Variants in RTL1 observed in about 807,000 individuals in gnomAD.
RTL1 encodes the protein retrotransposon-like protein 1.
For missense variants in RTL1, 1,681 were observed against 1,767.5 expected, an observed-to-expected ratio of 0.95 and a Z score of 0.88; for synonymous variants, 727 against 748.4, an observed-to-expected ratio of 0.97 and a Z score of 0.47.
At position 100,882,530 on chromosome 14, in the gene RTL1, C is replaced by A. The variant is rs1219522563; in HGVS notation, c.2259G>T (p.Leu753=). 9.0e-6 allele frequency: 14 copies of A among 1,551,750 alleles called. No homozygotes were observed. Among genetic ancestry groups the A allele is most frequent in the African/African-American group, 2.7e-5 (2 of 73,024 alleles). Residue 753 remains leucine (L), a synonymous_variant, in exon 4 of 4, where the codon CTG becomes CTT. Coordinates refer to ENST00000649591, the MANE Select transcript of RTL1 (RefSeq NM_001134888.3). ...EEHLHHVRQV[L]VRFRHHNVYC... is the part of the protein sequence containing the mutation. ...AGACGTTGTGATGGCGGAAGCGGAC[C>A]AGGACTTGGCGGACGTGGTGGAGGT...
At chr14:100,890,092 AAG>A (rs1201802933) in intron 3 of RTL1, among the ~76,000 whole-genome samples, 6 of 151,130 alleles carry the variant, frequency 4.0e-5, no homozygotes, top group African/African-American at 1.5e-4. Flanking sequence ...AAAAAAAAAA[AAG>A]AAGCCCAGAA....
Position 100,884,313 on chromosome 14 carries a change from G to A in RTL1, c.476C>T (p.Ser159Leu). The A allele has an allele frequency of 6.5e-7, 1 of 1,550,268 alleles. No homozygotes were observed. The highest frequency in any genetic ancestry group is 1.2e-5 in the South Asian group (1 of 83,982). Residue 159 changes from serine (S) to leucine (L), a missense_variant, in exon 4 of 4, where the codon TCA becomes TTA. Transcript: ENST00000649591. ...TPQEQNQTEH[S>L]TAELMAMVRS... Reference sequence around the variant, plus strand: ...CACCATGGCCATAAGTTCTGCGGTTGAGTGCTCGGTCTGGTTTTGCTCTTG... The same window carrying A: ...CACCATGGCCATAAGTTCTGCGGTTAAGTGCTCGGTCTGGTTTTGCTCTTG...
At chr14:100,901,470 G>A (rs570372380) in intron 2 of RTL1, among the ~76,000 whole-genome samples, 2 of 152,196 alleles carry the variant, frequency 1.3e-5, no homozygotes, top group Admixed American at 6.5e-5. Context: ...GGCAGCTCCC[G>A]ACTCCCGTGT....
rs370393627 is a variant in RTL1, at chr14:100,880,055, C to T, written c.*657G>A. 2.9e-5 allele frequency among the ~76,000 whole-genome samples: 4 copies of T among 137,646 alleles called. No homozygotes were observed. The highest frequency in any genetic ancestry group is 8.2e-5 in the Admixed American group (1 of 12,200). The allele number at this position is 137,646 out of a possible 152,430, so 90.3% of individuals were successfully genotyped here. ...TGGTACGTCCGGATGCCCCAAAGAGCGGCTTTGTCCAGGTAAGTCCAGAGC... is the reference window on the plus strand; with the variant it reads ...TGGTACGTCCGGATGCCCCAAAGAGTGGCTTTGTCCAGGTAAGTCCAGAGC... On this transcript the variant is annotated 3_prime_UTR_variant, in exon 4 of 4. Coordinates refer to ENST00000649591, the MANE Select transcript of RTL1 (RefSeq NM_001134888.3).
chr14:100,897,164 C>G (rs76136689), intron 2 of RTL1, among the ~76,000 whole-genome samples: 1 of 152,110 alleles, frequency 6.6e-6, no homozygotes, highest in Non-Finnish European at 1.5e-5. Flanking sequence ...AAAACATATT[C>G]GCGATAAAAT....
At position 100,883,155 on chromosome 14, in the gene RTL1, T is replaced by C. The variant is rs777729927; in HGVS notation, c.1634A>G (p.Glu545Gly). 2 of 1,604,020 alleles carry C rather than the reference T, an allele frequency of 1.2e-6. No homozygotes were observed. Among genetic ancestry groups the C allele is most frequent in the South Asian group, 2.2e-5 (2 of 89,706 alleles). ...FRPPPPCIAL[E>G]RHGMSLLPGL... ...GGGTAGCAGGCTCATGCCGTGCCTC[T>C]CTAGGGCAATGCATGGCGGGGGCGG... is the stretch of plus-strand genomic sequence containing the variant. The change falls in exon 4 of 4, where the codon GAG (glutamate) becomes GGG (glycine). Residue 545 changes from glutamate (E) to glycine (G), a missense_variant. Coordinates refer to ENST00000649591, the MANE Select transcript of RTL1 (RefSeq NM_001134888.3). The surrounding 1 kb of genome is among the most constrained non-coding windows in gnomAD (Gnocchi z 5.9).
Position 100,882,098 on chromosome 14 carries a change from G to T in RTL1, c.2691C>A (p.Thr897=), listed in dbSNP as rs531913473. 8 of 1,574,368 alleles carry T rather than the reference G, an allele frequency of 5.1e-6. No individual in the cohort carries two copies. Among genetic ancestry groups the T allele is most frequent in the Admixed American group, 3.8e-5 (2 of 53,194 alleles). The change falls in exon 4 of 4, where the codon ACC becomes ACA. Residue 897 remains threonine (T), a synonymous_variant. Transcript: ENST00000649591. ...HASLIQIDDQ[T]GKRACCAFYS... ...AGAAAGCGCAGCAGGCTCTCTTGCC[G>T]GTTTGGTCGTCGATTTGGATCAGGG...
chr14:100,902,410 T>A (rs1288289707), intron 2 of RTL1, among the ~76,000 whole-genome samples: 1 of 152,250 alleles, frequency 6.6e-6, no homozygotes, highest in African/African-American at 2.4e-5. Flanking sequence ...CCTGCTGTTC[T>A]GCTAAAAGCC....
At chr14:100,891,636 C>T (rs1457117196) in intron 3 of RTL1, among the ~76,000 whole-genome samples, 5 of 152,294 alleles carry the variant, frequency 3.3e-5, no homozygotes, top group East Asian at 1.9e-4. Context: ...TGGGAAGGGG[C>T]GTGTGCCGCC....
At chr14:100,889,992 G>A (rs578053620) in intron 3 of RTL1, among the ~76,000 whole-genome samples, 1 of 149,078 alleles carries the variant, frequency 6.7e-6, no homozygotes, top group South Asian at 2.1e-4. Flanking sequence ...TCCTTCAGCT[G>A]TGGCTCAATA....
chr14:100,883,268 G>A lies in RTL1; in HGVS notation c.1521C>T (p.Arg507=). ...CTTCGGGGGCGTGGACTCGGAGCCA[G>A]CGGATGCCTAGGACCACAGAGAAGT... ...SPNFSVVLGI[R]WLRVHAPEVD... Residue 507 remains arginine (R), a synonymous_variant, in exon 4 of 4, where the codon CGC becomes CGT. Transcript: ENST00000649591. The surrounding 1 kb of genome is among the most constrained non-coding windows in gnomAD (Gnocchi z 5.9). 6.4e-7 allele frequency: 1 copy of A among 1,551,248 alleles called. No homozygotes were observed. The highest frequency in any genetic ancestry group is 8.7e-7 in the Non-Finnish European group (1 of 1,146,730).
In RTL1 at chr14:100,883,956, A is replaced by G; in HGVS notation, c.833T>C (p.Phe278Ser). The G allele has an allele frequency of 1.9e-6, 3 of 1,551,640 alleles. No homozygotes were observed. The highest frequency in any genetic ancestry group is 2.0e-5 in the Admixed American group (1 of 51,002). The change falls in exon 4 of 4, where the codon TTT becomes TCT. Residue 278 changes from phenylalanine to serine, a missense_variant. By Grantham distance (155) the Phe-to-Ser change is radical. Transcript: ENST00000649591. The surrounding 1 kb of genome is among the most constrained non-coding windows in gnomAD (Gnocchi z 5.9). ...CACACGCAGTGCCTGGCGGTACTCA[A>G]ACACTTCGGACATGGCCTCCAGGAA... ...PAFLEAMSEV[F>S]EYRQALRVAE...
chr14:100,897,748 T>TGGTGGGGGGGGG, intron 2 of RTL1: 1 of 79,342 alleles, frequency 1.3e-5, no homozygotes, highest in African/African-American at 3.8e-4. Context: ...TTACCCTGGT[T>TGGTGGGGGGGGG]GGCGGGGGGG....
At position 100,882,599 on chromosome 14, in the gene RTL1, A is replaced by G; in HGVS notation, c.2190T>C (p.Ser730=). Residue 730 remains serine (S), a synonymous_variant, in exon 4 of 4, where the codon TCT becomes TCC. Coordinates refer to ENST00000649591, the MANE Select transcript of RTL1 (RefSeq NM_001134888.3). ...LKDMLGFFVL[S]YGQEVLIYSM... is the part of the protein sequence containing the mutation. ...AGTAGATCAGGACTTCCTGGCCATA[A>G]GAAAGCACAAAGAACCCTAGCATGT... 1 of 1,551,780 alleles carries G rather than the reference A, an allele frequency of 6.4e-7. No individual in the cohort carries two copies. Among genetic ancestry groups the G allele is most frequent in the Non-Finnish European group, 8.7e-7 (1 of 1,147,022 alleles).
chr14:100,890,876 A>G (rs1245752917), intron 3 of RTL1, among the ~76,000 whole-genome samples: 1 of 152,180 alleles, frequency 6.6e-6, no homozygotes, highest in Non-Finnish European at 1.5e-5. Flanking sequence ...GAGGGTGGAC[A>G]TGCAGGGACC....
At position 100,883,279 on chromosome 14, in the gene RTL1, G is replaced by A. The variant is rs1421940190; in HGVS notation, c.1510C>T (p.Leu504=). Residue 504 remains leucine, a synonymous_variant, in exon 4 of 4, where the codon CTA becomes TTA. Coordinates refer to ENST00000649591, the MANE Select transcript of RTL1 (RefSeq NM_001134888.3). The surrounding 1 kb of genome is among the most constrained non-coding windows in gnomAD (Gnocchi z 5.9). ...TGGACTCGGAGCCAGCGGATGCCTA[G>A]GACCACAGAGAAGTTCGGTGAAGGT... is the stretch of plus-strand genomic sequence containing the variant. The part of the protein sequence containing the change: ...IVPSPNFSVV[L]GIRWLRVHAP... The A allele has an allele frequency of 2.6e-6, 4 of 1,551,156 alleles. No individual in the cohort carries two copies. The highest frequency in any genetic ancestry group is 2.7e-5 in the African/African-American group (2 of 73,004).
intron 2 of RTL1, among the ~76,000 whole-genome samples, chr14:100,894,309 CA>C (rs562868034): frequency 0.28 from 20,187 of 72,186 alleles, 1,555 homozygotes; most frequent in African/African-American, 0.44. Context: ...AACTCCGTCT[CA>C]AAAAAAAAAA....
At position 100,881,621 on chromosome 14, in the gene RTL1, G is replaced by C. The variant is rs1006170180; in HGVS notation, c.3168C>G (p.Ile1056Met). ...CGAGGAAGCTGTTGAGGATCTGGTC[G>C]ATGGGTATCATGGCCAGCAGCTCTT... ...LRQELLAMIP[I>M]DQILNSFLAH... Residue 1056 changes from isoleucine to methionine, a missense_variant, in exon 4 of 4, where the codon ATC becomes ATG. By Grantham distance (10) the Ile-to-Met change is conservative (BLOSUM62 1). Coordinates refer to ENST00000649591, the MANE Select transcript of RTL1 (RefSeq NM_001134888.3). This position sits in a 1 kb window ranked among gnomAD's most constrained non-coding sequence, Gnocchi z 6.6. The C allele has an allele frequency of 1.3e-6, 2 of 1,551,732 alleles. No individual in the cohort carries two copies. The highest frequency in any genetic ancestry group is 2.7e-5 in the African/African-American group (2 of 73,042).
rs753637587 is a variant in RTL1, at chr14:100,883,076, T to G, written c.1713A>C (p.Ala571=). 4.3e-6 allele frequency: 7 copies of G among 1,613,986 alleles called. No individual in the cohort carries two copies. The African/African-American group carries it at 5.3e-5, about 12-fold the overall frequency. Residue 571 remains alanine (A), a synonymous_variant, in exon 4 of 4, where the codon GCA becomes GCC. Transcript: ENST00000649591. The surrounding 1 kb of genome is among the most constrained non-coding windows in gnomAD (Gnocchi z 5.9). ...DLADVFNPKE[A]DDETSDQPSS... ...TTGGCTGGTCGGAAGTCTCATCATC[T>G]GCTTCCTTCGGGTTAAACACGTCGG... is the stretch of plus-strand genomic sequence containing the variant.
Sources: gnomAD v4.1 joint callset for allele counts (sites outside exome capture counted in the v4.1 genomes callset) on GRCh38, gnomAD v4.1.1 for gene constraint, Gnocchi (gnomAD v3.1) non-coding constraint, MANE v1.5 for transcripts, NCBI Gene and HGNC (gene_info 2026-07-23, HGNC 2026-07-21) for gene names.